The following SYT9 variants were observed in gnomAD, a reference collection of about 807,000 sequenced individuals.
SYT9 encodes synaptotagmin 9.
SYT9 carries 22 observed loss-of-function variants against 48.4 expected under a neutral mutation model. The ratio of observed to expected loss-of-function variants is 0.45; its 90% CI spans 0.32 to 0.65. SYT9 has a LOEUF of 0.65. Among genes scored for constraint, SYT9 ranks in the 30% least tolerant of loss-of-function variants. The pLI, the probability that SYT9 is intolerant of heterozygous loss-of-function variation, is 0.03. For synonymous variants in SYT9, 265 were observed against 245.0 expected, an observed-to-expected ratio of 1.08 and a Z score of -0.76; for missense variants, 577 against 622.0, an observed-to-expected ratio of 0.93 and a Z score of 0.77.
chr11:7,267,621 A>G (rs757042550), intron 1 of SYT9, among the ~76,000 whole-genome samples: 6 of 151,936 alleles, frequency 3.9e-5, no homozygotes, highest in Admixed American at 6.6e-5. Flanking sequence ...AGTTGTTAAT[A>G]GCAAATAAAT....
intron 6 of SYT9, chr11:7,439,277 C>A: frequency 6.6e-6 from 1 of 152,220 alleles, no homozygotes; most frequent in East Asian, 1.9e-4. Context: ...TGGTGTGAGA[C>A]CTTGACCAAG....
intron 1 of SYT9, among the ~76,000 whole-genome samples, chr11:7,294,167 C>T (rs11041301): frequency 0.25 from 38,751 of 152,086 alleles, 5,913 homozygotes; most frequent in South Asian, 0.39. Context: ...GCTTCACCTT[C>T]ATTACTTAAT....
At chr11:7,363,547 T>C (rs1850185805) in intron 3 of SYT9, among the ~76,000 whole-genome samples, 1 of 152,150 alleles carries the variant, frequency 6.6e-6, no homozygotes, top group Admixed American at 6.5e-5. Flanking sequence ...AGATAAATCT[T>C]TACATTGAAC....
At chr11:7,280,160 G>C (rs1338634944) in intron 1 of SYT9, among the ~76,000 whole-genome samples, 2 of 152,264 alleles carry the variant, frequency 1.3e-5, no homozygotes, top group African/African-American at 4.8e-5. Context: ...TATAAATGCT[G>C]TGCGGTGCAC....
intron 6 of SYT9, among the ~76,000 whole-genome samples, chr11:7,421,975 C>T (rs1847364872): frequency 1.3e-5 from 2 of 152,136 alleles, no homozygotes; most frequent in South Asian, 4.1e-4. Context: ...ACTGAGCCCC[C>T]GGGAACTGGA....
At position 7,414,061 on chromosome 11, in the gene SYT9, C is replaced by A. The variant is rs907974548; in HGVS notation, c.1045-1981C>A. On this transcript the variant is annotated intron_variant, in intron 3 of 6. Transcript: ENST00000318881. The stretch of plus-strand genomic sequence containing the variant: ...CTTATGTCGGAGGAAAACAAACAAA[C>A]CACCATACCTAGCATGGAAGTAATC... Among the ~76,000 whole-genome samples, 6 of 152,070 alleles carry A rather than the reference C, an allele frequency of 3.9e-5. No individual in the cohort carries two copies. The South Asian group carries it at 1.2e-3, about 32-fold the overall frequency.
chr11:7,377,438 A>G (rs960205957), intron 3 of SYT9, among the ~76,000 whole-genome samples: 18 of 152,128 alleles, frequency 1.2e-4, no homozygotes, highest in African/African-American at 4.1e-4. Flanking sequence ...CACTGGACCC[A>G]GAGGGAAGTG....
At chr11:7,247,650 A>G (rs1166406062), upstream of SYT9, among the ~76,000 whole-genome samples, 1 of 136,190 alleles carries the variant, frequency 7.3e-6, no homozygotes, top group Non-Finnish European at 1.6e-5. Context: ...CGTGATATAT[A>G]TATATACATA....
intron 1 of SYT9, among the ~76,000 whole-genome samples, chr11:7,276,058 G>A (rs749417436): frequency 6.6e-6 from 1 of 152,196 alleles, no homozygotes; most frequent in African/African-American, 2.4e-5. Flanking sequence ...TATTAAGTGA[G>A]TGAATACACC....
At chr11:7,432,624 T>A (rs1847627508) in intron 6 of SYT9, among the ~76,000 whole-genome samples, 5 of 37,654 alleles carry the variant, frequency 1.3e-4, no homozygotes, top group Middle Eastern at 0.023. Context: ...TATATATATA[T>A]ATATATATAT....
intron 3 of SYT9, among the ~76,000 whole-genome samples, chr11:7,316,008 A>C (rs184663913): frequency 5.3e-5 from 8 of 151,876 alleles, no homozygotes; most frequent in Non-Finnish European, 8.8e-5. Flanking sequence ...ATTACAGGCT[A>C]TTTCATAGTC....
At chr11:7,430,561 A>G (rs1236822151) in intron 6 of SYT9, among the ~76,000 whole-genome samples, 1 of 152,218 alleles carries the variant, frequency 6.6e-6, no homozygotes, top group African/African-American at 2.4e-5. Flanking sequence ...AAAACCAATT[A>G]ATATGGTTTA....
chr11:7,406,676 G>T (rs1260910864), intron 3 of SYT9, among the ~76,000 whole-genome samples: 1 of 151,752 alleles, frequency 6.6e-6, no homozygotes, highest in Non-Finnish European at 1.5e-5. Context: ...GTATCCCTCT[G>T]ATACACGGAT....
rs371326131 is a variant in SYT9 at position 7,314,420 on chromosome 11, T to C, written c.1044+479T>C. On this transcript the variant is annotated intron_variant, in intron 3 of 6. Transcript: ENST00000318881. Reference sequence around the variant, plus strand: ...TCAGCTTCAACCCTACCAGTGGGAGTGGTTGAGAAGAGTTGGCAACACATT... The same window carrying C: ...TCAGCTTCAACCCTACCAGTGGGAGCGGTTGAGAAGAGTTGGCAACACATT... 769 of 236,292 alleles carry C rather than the reference T, an allele frequency of 3.3e-3. 29 individuals are homozygous for C. In the South Asian group the frequency reaches 0.038, roughly 12 times the overall value. The allele number at this position is 236,292 out of a possible 1,614,324, so 14.6% of individuals were successfully genotyped here.
chr11:7,296,976 C>A (rs1848821146), intron 1 of SYT9, among the ~76,000 whole-genome samples: 2 of 152,038 alleles, frequency 1.3e-5, no homozygotes, highest in Non-Finnish European at 2.9e-5. Context: ...AACTAAATTT[C>A]CCAGTATTAT....
intron 2 of SYT9, among the ~76,000 whole-genome samples, chr11:7,308,403 G>A (rs1050032187): frequency 2.6e-5 from 4 of 152,154 alleles, no homozygotes; most frequent in Non-Finnish European, 4.4e-5. Context: ...ATGAAAGCCC[G>A]CGATGGAAGG....
At chr11:7,271,499 A>G (rs566046328) in intron 1 of SYT9, among the ~76,000 whole-genome samples, 1 of 152,180 alleles carries the variant, frequency 6.6e-6, no homozygotes, top group Non-Finnish European at 1.5e-5. Context: ...CAAGGGAGAA[A>G]TGGATGCCCC....
intron 3 of SYT9, among the ~76,000 whole-genome samples, chr11:7,345,331 G>C (rs1227279674): frequency 2.0e-5 from 3 of 152,152 alleles, no homozygotes; most frequent in Admixed American, 6.5e-5. Context: ...TGCCTCATTT[G>C]TTTCCTGTCA....
chr11:7,398,856 A>AC (rs1412119337), intron 3 of SYT9, among the ~76,000 whole-genome samples: 2 of 151,738 alleles, frequency 1.3e-5, no homozygotes, highest in Non-Finnish European at 2.9e-5. Flanking sequence ...GGATAAAAGG[A>AC]CCCCCCAGCC....
Sources: gnomAD v4.1 joint callset for allele counts (sites outside exome capture counted in the v4.1 genomes callset) on GRCh38, gnomAD v4.1.1 for gene constraint, MANE v1.5 for transcripts, NCBI Gene and HGNC (gene_info 2026-07-23, HGNC 2026-07-21) for gene names.